STS: variants seen among roughly 807,000 people sequenced by gnomAD.
STS encodes steryl-sulfatase.
A neutral mutation model predicts 26.8 loss-of-function variants in STS; 7 were observed. That is an observed-to-expected ratio of 0.26 (90% CI 0.15 to 0.49). The LOEUF (loss-of-function observed/expected upper bound fraction) is 0.49. Ranked by LOEUF, STS falls within the 20% of genes least tolerant of loss-of-function variation. STS has a pLI of 0.98. For missense variants in STS, 434 were observed against 465.6 expected (o/e 0.93, Z 0.63); for synonymous variants, 199 against 189.4 (o/e 1.05, Z -0.42).
intron 2 of STS, among the ~76,000 whole-genome samples, chrX:7,217,184 G>A (rs1353879293): frequency 9.0e-6 from 1 of 111,370 alleles, no homozygotes; most frequent in Non-Finnish European, 1.9e-5. Flanking sequence ...TCCCCTGGGG[G>A]TGGTGGAGGC....
chrX:7,328,558 T>TC (rs1273726442), intron 9 of STS, among the ~76,000 whole-genome samples: 34 of 104,275 alleles, frequency 3.3e-4, no homozygotes, highest in Admixed American at 2.8e-3. Flanking sequence ...TGACCTCATT[T>TC]TTTTTTTTTT....
intron 2 of STS, among the ~76,000 whole-genome samples, chrX:7,204,324 GTTTAAAC>G (rs776451237): frequency 1.8e-5 from 2 of 111,599 alleles, no homozygotes; most frequent in Non-Finnish European, 3.8e-5. Flanking sequence ...TTTTCCTTGT[GTTTAAAC>G]TTTAATTTTC....
chrX:7,241,266 TA>T (rs1250990574), intron 2 of STS, among the ~76,000 whole-genome samples: 1 of 112,134 alleles, frequency 8.9e-6, no homozygotes, highest in African/African-American at 3.2e-5. Flanking sequence ...AACATTTATT[TA>T]AAAAAATCAA....
Position 7,350,190 on chromosome X carries a change from C to T in STS, c.1666C>T (p.Leu556=), listed in dbSNP as rs1373302181. The change falls in exon 11 of 11, where the codon CTG becomes TTG. Residue 556 remains leucine, a synonymous_variant. Coordinates refer to ENST00000674429, the MANE Select transcript of STS (RefSeq NM_001320752.2). ...CTTTCTTTGGAAGCCCTGGCTTCAGCTGTGCTGTCCTTCCACCGGCCTGTC... is the reference window on the plus strand; with the variant it reads ...CTTTCTTTGGAAGCCCTGGCTTCAGTTGTGCTGTCCTTCCACCGGCCTGTC... ...NNFLWKPWLQ[L]CCPSTGLSCQ... 5 of 1,211,792 alleles carry T rather than the reference C, an allele frequency of 4.1e-6. No individual in the cohort carries two copies. The highest frequency in any genetic ancestry group is 5.6e-6 in the Non-Finnish European group (5 of 895,360).
chrX:7,315,828 G>A (rs1484872104), intron 8 of STS, among the ~76,000 whole-genome samples: 1 of 111,424 alleles, frequency 9.0e-6, no homozygotes, highest in African/African-American at 3.3e-5. Context: ...ATGAGATGGT[G>A]CCCACCCAGA....
intron 2 of STS, among the ~76,000 whole-genome samples, chrX:7,235,252 A>G (rs1922261885): frequency 1.8e-5 from 2 of 111,804 alleles, no homozygotes; most frequent in Non-Finnish European, 3.8e-5. Context: ...GAGAGCACAC[A>G]TATTACACAT....
chrX:7,151,680 C>T (rs1245120616), intron 1 of STS, among the ~76,000 whole-genome samples: 1 of 111,478 alleles, frequency 9.0e-6, no homozygotes, highest in African/African-American at 3.3e-5. Context: ...TGAACCCCTT[C>T]ACCATCAGAG....
chrX:7,202,937 C>T (rs1033241988), intron 2 of STS, among the ~76,000 whole-genome samples: 5 of 110,520 alleles, frequency 4.5e-5, no homozygotes, highest in African/African-American at 1.3e-4. Context: ...TCTCTCTATC[C>T]ATCTCTGTCT....
chrX:7,226,318 G>T (rs764987281), intron 2 of STS, among the ~76,000 whole-genome samples: 3 of 112,152 alleles, frequency 2.7e-5, no homozygotes, highest in Non-Finnish European at 3.8e-5. Context: ...GTTGTTGCAT[G>T]TATCAGTGGT....
At position 7,279,524 on chromosome X, in the gene STS, T is replaced by A. The variant is rs190979988; in HGVS notation, c.943+3437T>A. On this transcript the variant is annotated intron_variant, in intron 7 of 10. Transcript: ENST00000674429. Reference sequence around the variant, plus strand: ...CTGTTGAGGGGCAATAAATGATTGCTAGGGAGAATTATTGGATACAGGAAC... The same window carrying A: ...CTGTTGAGGGGCAATAAATGATTGCAAGGGAGAATTATTGGATACAGGAAC... Among the ~76,000 whole-genome samples, 3 of 106,808 alleles carry A rather than the reference T, an allele frequency of 2.8e-5. No individual in the cohort carries two copies. The Admixed American group carries it at 3.1e-4, about 11-fold the overall frequency. The allele number at this position is 106,808 out of a possible 115,157, so 92.7% of individuals were successfully genotyped here.
At chrX:7,268,407 G>C (rs1272370166) in intron 6 of STS, among the ~76,000 whole-genome samples, 2 of 111,706 alleles carry the variant, frequency 1.8e-5, no homozygotes, top group African/African-American at 6.5e-5. Flanking sequence ...CTGGACCCCA[G>C]TGTAAGTGGC....
chrX:7,276,152 C>G, intron 7 of STS, 65 bp downstream of exon 7: 1 of 1,173,461 alleles, frequency 8.5e-7, no homozygotes, highest in Non-Finnish European at 1.2e-6. Context: ...GTTTTCTTTC[C>G]TGTGTATTTC....
intron 6 of STS, among the ~76,000 whole-genome samples, chrX:7,273,433 C>G (rs1924380730): frequency 9.0e-6 from 1 of 111,296 alleles, no homozygotes; most frequent in Non-Finnish European, 1.9e-5. Context: ...CCAATTTTTC[C>G]TCATCCTTTC....
At chrX:7,324,913 G>C (rs981676999) in intron 8 of STS, among the ~76,000 whole-genome samples, 2 of 111,378 alleles carry the variant, frequency 1.8e-5, no homozygotes, top group East Asian at 2.8e-4. Context: ...TGCCATATAA[G>C]GCAAAATACC....
chrX:7,310,591 G>T (rs780945111), intron 8 of STS, among the ~76,000 whole-genome samples: 7 of 111,606 alleles, frequency 6.3e-5, no homozygotes, highest in East Asian at 5.7e-4. Flanking sequence ...TCTAAATCAG[G>T]GTTCAAAGCC....
intron 2 of STS, among the ~76,000 whole-genome samples, chrX:7,194,849 C>T (rs1464768897): frequency 4.5e-5 from 5 of 111,453 alleles, no homozygotes; most frequent in African/African-American, 6.5e-5. Context: ...ATTTAGTCAC[C>T]GCGTGAACAT....
intron 9 of STS, among the ~76,000 whole-genome samples, chrX:7,330,408 A>C (rs998963945): frequency 5.4e-5 from 6 of 112,081 alleles, no homozygotes; most frequent in Admixed American, 1.9e-4. Context: ...CATTTTAACC[A>C]TAGACCCTTC....
At chrX:7,301,042 A>T (rs1326661730) in intron 7 of STS, among the ~76,000 whole-genome samples, 1 of 111,259 alleles carries the variant, frequency 9.0e-6, no homozygotes, top group East Asian at 2.8e-4. Context: ...CCTTTAGCAC[A>T]CAGCCCGTGT....
intron 1 of STS, among the ~76,000 whole-genome samples, chrX:7,163,112 T>C (rs1197462168): frequency 1.8e-5 from 2 of 109,039 alleles, no homozygotes; most frequent in African/African-American, 6.7e-5. Flanking sequence ...GCAGGGTTTT[T>C]CAACCTCAGC....
Sources: gnomAD v4.1 joint callset for allele counts (sites outside exome capture counted in the v4.1 genomes callset) on GRCh38, gnomAD v4.1.1 for gene constraint, MANE v1.5 for transcripts, NCBI Gene and HGNC (gene_info 2026-07-23, HGNC 2026-07-21) for gene names.